Variants in DCLK2 observed in about 807,000 individuals in gnomAD.
DCLK2 encodes the protein doublecortin like kinase 2, also known as serine/threonine-protein kinase DCLK2.
In DCLK2, 31 loss-of-function variants were observed where a neutral mutation model predicts 78.4. The ratio of observed to expected loss-of-function variants is 0.40; its 90% confidence interval spans 0.30 to 0.53. The LOEUF is 0.53. Among genes scored for constraint, DCLK2 ranks in the 20% least tolerant of loss-of-function variants. The probability of loss-of-function intolerance (pLI) is 0.61; values close to 1 mark genes in which losing one functional copy is unlikely to be tolerated. For missense variants in DCLK2, 872 were observed against 973.7 expected (o/e 0.90, Z 1.39); for synonymous variants, 407 against 374.9 (o/e 1.09, Z -0.99).
At chr4:150,187,216 T>C (rs1404553526) in intron 2 of DCLK2, among the ~76,000 whole-genome samples, 1 of 152,096 alleles carries the variant, frequency 6.6e-6, no homozygotes, top group Non-Finnish European at 1.5e-5. Context: ...ACCCAGAGTA[T>C]AGTGCAGTGG....
intron 2 of DCLK2, among the ~76,000 whole-genome samples, chr4:150,142,986 T>C (rs1734216314): frequency 6.6e-6 from 1 of 152,116 alleles, no homozygotes; most frequent in Non-Finnish European, 1.5e-5. Flanking sequence ...TTTATGTCTG[T>C]GTGTACCTAT....
chr4:150,255,898 G>C, intron 15 of DCLK2, 122 bp from the exon 16 acceptor site: 1 of 1,442,252 alleles, frequency 6.9e-7, no homozygotes, highest in Non-Finnish European at 9.2e-7. Flanking sequence ...TTAGAAGCTT[G>C]GCGTTATTTC....
At chr4:150,090,576 A>G (rs1729989671) in intron 1 of DCLK2, among the ~76,000 whole-genome samples, 1 of 121,096 alleles carries the variant, frequency 8.3e-6, no homozygotes, top group Non-Finnish European at 2.0e-5. Flanking sequence ...AGGAGATTAG[A>G]TACGATTTCT....
At chr4:150,110,939 T>C (rs1028859511) in intron 2 of DCLK2, among the ~76,000 whole-genome samples, 2 of 152,244 alleles carry the variant, frequency 1.3e-5, no homozygotes, top group Non-Finnish European at 2.9e-5. Context: ...TGTGCTATGA[T>C]AAACATACAC....
intron 2 of DCLK2, among the ~76,000 whole-genome samples, chr4:150,140,852 G>C (rs559338934): frequency 6.6e-6 from 1 of 152,286 alleles, no homozygotes; most frequent in African/African-American, 2.4e-5. Context: ...AACTGTATTT[G>C]TGTACTTGAT....
At chr4:150,122,654 A>T (rs750991520) in intron 2 of DCLK2, among the ~76,000 whole-genome samples, 12 of 152,214 alleles carry the variant, frequency 7.9e-5, no homozygotes, top group Non-Finnish European at 1.6e-4. Flanking sequence ...CCTAATGTGG[A>T]TGACGGGTTG....
intron 2 of DCLK2, among the ~76,000 whole-genome samples, chr4:150,117,727 C>T (rs1732204486): frequency 6.6e-6 from 1 of 152,184 alleles, no homozygotes; most frequent in Non-Finnish European, 1.5e-5. Flanking sequence ...AGCTCCAGCA[C>T]TGGGTAGGTG....
Position 150,256,160 on chromosome 4 carries a change from C to A in DCLK2, c.2214C>A (p.Pro738=). ...TGCCTGGGGAAGCAGTCCCGGCCCC[C>A]ACCCCTCCGGAATCTCCCACCCCCC... ...IPVPGEAVPA[P]TPPESPTPHP... Residue 738 remains proline (P), a synonymous_variant, in exon 16 of 16, where the codon CCC becomes CCA. Coordinates refer to ENST00000296550, the MANE Select transcript of DCLK2 (RefSeq NM_001040260.4). 3 of 1,578,960 alleles carry A rather than the reference C, an allele frequency of 1.9e-6. No homozygotes were observed. Among genetic ancestry groups the A allele is most frequent in the Non-Finnish European group, 2.6e-6 (3 of 1,162,532 alleles).
At chr4:150,143,663 A>C (rs1734257933) in intron 2 of DCLK2, among the ~76,000 whole-genome samples, 1 of 152,170 alleles carries the variant, frequency 6.6e-6, no homozygotes, top group African/African-American at 2.4e-5. Context: ...ACTAATTTAC[A>C]TTCCCACCAA....
At chr4:150,175,207 A>T (rs1237928198) in intron 2 of DCLK2, among the ~76,000 whole-genome samples, 1 of 130,110 alleles carries the variant, frequency 7.7e-6, no homozygotes, top group Non-Finnish European at 1.6e-5. Context: ...ATATATATTT[A>T]TATATATTTA....
chr4:150,094,435 A>G (rs1048304774), intron 1 of DCLK2, among the ~76,000 whole-genome samples: 1 of 152,242 alleles, frequency 6.6e-6, no homozygotes, highest in Non-Finnish European at 1.5e-5. Flanking sequence ...ATTAGACTAC[A>G]AAGTGCGCTT....
chr4:150,080,232 T>C (rs1295125984), intron 1 of DCLK2, among the ~76,000 whole-genome samples: 1 of 152,086 alleles, frequency 6.6e-6, no homozygotes, highest in African/African-American at 2.4e-5. Context: ...TATCCTCTAA[T>C]AAGAGTACCT....
intron 2 of DCLK2, among the ~76,000 whole-genome samples, chr4:150,174,993 G>A (rs1468669494): frequency 2.6e-4 from 4 of 15,354 alleles, no homozygotes; most frequent in East Asian, 1.7e-3. Flanking sequence ...GTGAGACTCC[G>A]TCGCAAAAAA....
intron 2 of DCLK2, among the ~76,000 whole-genome samples, chr4:150,105,456 A>G (rs1236216203): frequency 5.3e-5 from 8 of 151,566 alleles, no homozygotes; most frequent in Non-Finnish European, 8.8e-5. Flanking sequence ...TTTAAAACTG[A>G]CAAGCTCTTA....
chr4:150,167,362 A>G (rs1736172729), intron 2 of DCLK2, among the ~76,000 whole-genome samples: 1 of 152,228 alleles, frequency 6.6e-6, no homozygotes, highest in African/African-American at 2.4e-5. Flanking sequence ...GTGAAGTTGC[A>G]GGAGGAAATA....
chr4:150,193,045 T>C (rs1738586371), intron 2 of DCLK2, 93 bp from the exon 3 acceptor site: 5 of 787,866 alleles, frequency 6.3e-6, no homozygotes. Context: ...ACTTCAATAC[T>C]TAAAATTCAG....
At chr4:150,191,393 A>G (rs918997930) in intron 2 of DCLK2, among the ~76,000 whole-genome samples, 2 of 152,098 alleles carry the variant, frequency 1.3e-5, no homozygotes, top group Admixed American at 6.6e-5. Context: ...AAGATAGGTT[A>G]GCAAACCTGT....
Position 150,226,508 on chromosome 4 carries a change from A to T in DCLK2, c.1299+1950A>T, listed in dbSNP as rs1339069453. Among the ~76,000 whole-genome samples, 32 of 150,110 alleles carry T rather than the reference A, an allele frequency of 2.1e-4. 1 individual carries two copies. The highest frequency in any genetic ancestry group is 5.9e-5 in the Non-Finnish European group (4 of 67,946). On this transcript the variant is annotated intron_variant, in intron 8 of 15. Coordinates refer to ENST00000296550, the MANE Select transcript of DCLK2 (RefSeq NM_001040260.4). ...CAGGTTCTGTAGAACTACATTAAAA[A>T]TTTTTTCAAAACAGTAAAAAAAAAA...
At chr4:150,200,638 G>T (rs1157668402) in intron 4 of DCLK2, among the ~76,000 whole-genome samples, 1 of 152,076 alleles carries the variant, frequency 6.6e-6, no homozygotes, top group East Asian at 1.9e-4. Context: ...AATTCCATGG[G>T]ACTAATTGGA....
Sources: allele counts gnomAD v4.1 joint callset (sites outside exome capture counted in the v4.1 genomes callset), GRCh38; gene constraint gnomAD v4.1.1; transcripts MANE v1.5; gene names NCBI Gene and HGNC (gene_info 2026-07-23, HGNC 2026-07-21).